The following MEGF10 variants were observed in gnomAD, a reference collection of about 807,000 sequenced individuals.
MEGF10 encodes multiple EGF like domains 10, also known as multiple epidermal growth factor-like domains protein 10.
A neutral mutation model predicts 147.5 loss-of-function variants in MEGF10; 86 were observed. The ratio of observed to expected loss-of-function variants is 0.58; its 90% confidence interval spans 0.49 to 0.70. The LOEUF (loss-of-function observed/expected upper bound fraction) is 0.70, where lower values mean the gene tolerates loss of function less well. Ranked by LOEUF, MEGF10 falls within the 30% of genes least tolerant of loss-of-function variation. The pLI is 0.00. For missense variants in MEGF10, 1,329 were observed against 1,487.3 expected (o/e 0.89, Z 1.75); for synonymous variants, 478 against 525.5 (o/e 0.91, Z 1.24).
intron 1 of MEGF10, among the ~76,000 whole-genome samples, chr5:127,312,131 G>A (rs769961979): frequency 6.6e-6 from 1 of 152,076 alleles, no homozygotes; most frequent in African/African-American, 2.4e-5. Flanking sequence ...CCTTTTCATG[G>A]TCTCCAGGGA....
In MEGF10 at chr5:127,391,098, G is replaced by GCACACACA. The variant is rs1158697334; in HGVS notation, c.413-5433_413-5432insACACACAC. Among the ~76,000 whole-genome samples the GCACACACA allele has an allele frequency of 8.9e-3, 265 of 29,758 alleles. 1 individual carries two copies. The highest frequency in any genetic ancestry group is 0.036 in the Middle Eastern group (1 of 28). The allele number at this position is 29,758 out of a possible 152,430, so 19.5% of individuals were successfully genotyped here. On this transcript the variant is annotated intron_variant, in intron 5 of 24. Coordinates refer to ENST00000503335, the MANE Select transcript of MEGF10 (RefSeq NM_001256545.2). ...CATACATACACACATGCGCGCGCGC[G>GCACACACA]CGCGCACACACACACACACACACAC...
At chr5:127,424,680 C>A in intron 13 of MEGF10, 1 of 600,540 alleles carries the variant, frequency 1.7e-6, no homozygotes, top group Non-Finnish European at 2.2e-6. Context: ...TATTTTCTAC[C>A]AATAGGAGCT....
the MEGF10 span, among the ~76,000 whole-genome samples, chr5:127,238,898 G>C: frequency 6.6e-6 from 1 of 152,036 alleles, no homozygotes; most frequent in African/African-American, 2.4e-5. Context: ...TATGTCTATA[G>C]GATATGAACT....
At chr5:127,369,766 G>C (rs918317115) in intron 4 of MEGF10, 144 bp from the exon 5 acceptor site, 1 of 578,060 alleles carries the variant, frequency 1.7e-6, no homozygotes. Context: ...GACTGTAAGA[G>C]GGCTGAGGAA....
intron 1 of MEGF10, among the ~76,000 whole-genome samples, chr5:127,295,709 A>G (rs968316028): frequency 6.6e-6 from 1 of 152,232 alleles, no homozygotes; most frequent in African/African-American, 2.4e-5. Context: ...AGGTAGTAGC[A>G]TCAATAGATG....
intron 5 of MEGF10, among the ~76,000 whole-genome samples, chr5:127,373,218 C>G (rs1475542771): frequency 6.6e-6 from 1 of 152,104 alleles, no homozygotes; most frequent in East Asian, 1.9e-4. Flanking sequence ...AATGGCTGAT[C>G]TTGGCTCACT....
In MEGF10 at chr5:127,457,269, A is replaced by G. The variant is rs1213085498; in HGVS notation, c.3374A>G (p.Gln1125Arg). Residue 1125 changes from glutamine to arginine, a missense_variant, in exon 25 of 25, where the codon CAA becomes CGA. Coordinates refer to ENST00000503335, the MANE Select transcript of MEGF10 (RefSeq NM_001256545.2). ...CGAGACAGTTCATCCTCCCCTAAGC[A>G]AGAGGACAGTGGTGGTAGCAGCAGC... ...PVRDSSSSPK[Q>R]EDSGGSSSNS... 2.5e-6 allele frequency: 4 copies of G among 1,613,958 alleles called. No homozygotes were observed. Among genetic ancestry groups the G allele is most frequent in the Non-Finnish European group, 3.4e-6 (4 of 1,180,002 alleles).
chr5:127,324,016 T>A (rs539309137), intron 1 of MEGF10, among the ~76,000 whole-genome samples: 1 of 152,298 alleles, frequency 6.6e-6, no homozygotes, highest in South Asian at 2.1e-4. Flanking sequence ...AAGTTTATCA[T>A]TTTTGTAATA....
chr5:127,378,578 G>T (rs1434044962), intron 5 of MEGF10, among the ~76,000 whole-genome samples: 1 of 152,144 alleles, frequency 6.6e-6, no homozygotes, highest in South Asian at 2.1e-4. Flanking sequence ...TCAGCCTCCC[G>T]AGTAGCTGGG....
At chr5:127,265,578 C>T in the MEGF10 span, among the ~76,000 whole-genome samples, 1 of 152,028 alleles carries the variant, frequency 6.6e-6, no homozygotes, top group East Asian at 1.9e-4. Context: ...CTCTCCAGCA[C>T]CTGTTGTTTC....
At chr5:127,319,889 C>T (rs188847756) in intron 1 of MEGF10, among the ~76,000 whole-genome samples, 3 of 152,292 alleles carry the variant, frequency 2.0e-5, no homozygotes, top group Admixed American at 2.0e-4. Flanking sequence ...GCAAGACAGA[C>T]TGACAGGATC....
Position 127,455,486 on chromosome 5 carries a change from T to C in MEGF10, c.3111T>C (p.Pro1037=). The change falls in exon 24 of 25, where the codon CCT becomes CCC. Residue 1037 remains proline (P), a synonymous_variant. Transcript: ENST00000503335. ...CATATGCCACTATTAAAGACCCACC[T>C]GTACTTATCCCGAAAAGCTCAGAGT... The part of the protein sequence containing the change: ...ENPYATIKDP[P]VLIPKSSECG... 6 of 1,614,148 alleles carry C rather than the reference T, an allele frequency of 3.7e-6. No individual in the cohort carries two copies. Among genetic ancestry groups the C allele is most frequent in the Non-Finnish European group, 4.2e-6 (5 of 1,180,026 alleles).
At chr5:127,258,079 G>C in the MEGF10 span, among the ~76,000 whole-genome samples, 1 of 152,170 alleles carries the variant, frequency 6.6e-6, no homozygotes, top group Non-Finnish European at 1.5e-5. Context: ...ATCAGATGGA[G>C]ACCCATCAAT....
intron 1 of MEGF10, among the ~76,000 whole-genome samples, chr5:127,297,002 T>C (rs1385861846): frequency 6.6e-6 from 1 of 152,202 alleles, no homozygotes; most frequent in African/African-American, 2.4e-5. Flanking sequence ...GTTTCATTCT[T>C]GTTGCCCAGG....
chr5:127,422,762 C>T lies in MEGF10; in HGVS notation c.1683C>T (p.Pro561=), dbSNP rs749849626. The T allele has an allele frequency of 5.6e-6, 9 of 1,613,516 alleles. No individual in the cohort carries two copies. The highest frequency in any genetic ancestry group is 2.2e-5 in the East Asian group (1 of 44,862). ...HPTTGHCRCL[P]GWSGVHCDSV... The stretch of plus-strand genomic sequence containing the variant: ...CCACGGGCCATTGCCGCTGCCTCCC[C>T]GGATGGTCAGGTGAGAGCCAAGGAC... The change falls in exon 13 of 25, where the codon CCC becomes CCT. Residue 561 remains proline (P), a synonymous_variant. Coordinates refer to ENST00000503335, the MANE Select transcript of MEGF10 (RefSeq NM_001256545.2).
Position 127,438,612 on chromosome 5 carries a change from A to G in MEGF10, c.2233+45A>G, listed in dbSNP as rs375211452. 89 of 1,605,938 alleles carry G rather than the reference A, an allele frequency of 5.5e-5. No homozygotes were observed. The African/African-American group carries it at 1.1e-3, about 20-fold the overall frequency. On this transcript the variant is annotated intron_variant, in intron 17 of 24. Transcript: ENST00000503335. ...AGGCTCACCAAGGGGAGCCTTGTCC[A>G]AGGAGGAAACAGCCTTACCCTCCGC...
At chr5:127,438,042 G>T (rs1765621510) in intron 16 of MEGF10, among the ~76,000 whole-genome samples, 1 of 152,036 alleles carries the variant, frequency 6.6e-6, no homozygotes, top group African/African-American at 2.4e-5. Flanking sequence ...TGGTTGGTTT[G>T]CCTGCCTCCC....
chr5:127,449,018 G>T, intron 21 of MEGF10, 81 bp from the exon 22 acceptor site: 1 of 1,562,342 alleles, frequency 6.4e-7, no homozygotes, highest in Non-Finnish European at 8.7e-7. Flanking sequence ...ATGTGCCCTG[G>T]ACTTTTCCCC....
chr5:127,313,862 T>C (rs1238328953), intron 1 of MEGF10, among the ~76,000 whole-genome samples: 1 of 152,232 alleles, frequency 6.6e-6, no homozygotes, highest in Non-Finnish European at 1.5e-5. Flanking sequence ...AGCTTTTCTT[T>C]AAATAAGATT....
Sources: gnomAD v4.1 joint callset for allele counts (sites outside exome capture counted in the v4.1 genomes callset) on GRCh38, gnomAD v4.1.1 for gene constraint, MANE v1.5 for transcripts, NCBI Gene and HGNC (gene_info 2026-07-23, HGNC 2026-07-21) for gene names.